Variants in KCNH1 observed in about 807,000 individuals in gnomAD.
The protein encoded by KCNH1 is potassium voltage-gated channel subfamily H member 1.
KCNH1 carries 27 observed loss-of-function variants against 69.2 expected under a neutral mutation model. The observed-to-expected ratio is 0.39, with a 90% confidence interval of 0.29 to 0.54. KCNH1 has a LOEUF of 0.54. Among genes scored for constraint, KCNH1 ranks in the 20% least tolerant of loss-of-function variants. The pLI is 0.68. For synonymous variants in KCNH1, 456 were observed against 487.7 expected (o/e 0.93, Z 0.86); for missense variants, 798 against 1,261.6 (o/e 0.63, Z 5.57).
intron 6 of KCNH1, among the ~76,000 whole-genome samples, chr1:210,948,228 T>C (rs1469853307): frequency 6.7e-6 from 1 of 149,920 alleles, no homozygotes; most frequent in South Asian, 2.1e-4. Flanking sequence ...AGATAATGGA[T>C]ACAAAGCATT....
intron 5 of KCNH1, among the ~76,000 whole-genome samples, chr1:211,050,771 T>A (rs1467641959): frequency 6.6e-6 from 1 of 152,124 alleles, no homozygotes; most frequent in East Asian, 1.9e-4. Context: ...CCATTATCCA[T>A]GATCAAGGTA....
chr1:210,961,097 G>A (rs1199171790), intron 6 of KCNH1, among the ~76,000 whole-genome samples: 2 of 152,128 alleles, frequency 1.3e-5, no homozygotes, highest in African/African-American at 2.4e-5. Flanking sequence ...GTCTGGGTCA[G>A]TTTTCATGTG....
At chr1:210,932,479 A>G (rs929471229) in intron 6 of KCNH1, among the ~76,000 whole-genome samples, 9 of 152,156 alleles carry the variant, frequency 5.9e-5, no homozygotes, top group Non-Finnish European at 1.3e-4. Context: ...GAAAACAACA[A>G]ACAAAATGAC....
intron 7 of KCNH1, among the ~76,000 whole-genome samples, chr1:210,898,992 G>C (rs777887558): frequency 3.9e-5 from 6 of 152,148 alleles, no homozygotes; most frequent in Non-Finnish European, 5.9e-5. Flanking sequence ...GCTCACAATG[G>C]TTTTTAATCA....
At chr1:210,958,361 G>A (rs904248609) in intron 6 of KCNH1, among the ~76,000 whole-genome samples, 2 of 152,108 alleles carry the variant, frequency 1.3e-5, no homozygotes, top group South Asian at 2.1e-4. Flanking sequence ...TCATTTCAAC[G>A]TTGGTGAATC....
At chr1:211,110,028 A>G (rs1055777390) in intron 1 of KCNH1, among the ~76,000 whole-genome samples, 1 of 137,630 alleles carries the variant, frequency 7.3e-6, no homozygotes, top group African/African-American at 3.2e-5. Flanking sequence ...AACAGAGAAG[A>G]AAAAAAAAAA....
At chr1:210,684,277 A>G (rs1344969969) in intron 10 of KCNH1, 139 bp from the exon 11 acceptor site, 1 of 750,486 alleles carries the variant, frequency 1.3e-6, no homozygotes, top group Non-Finnish European at 1.9e-6. Context: ...ACAGCCTACA[A>G]GGCCTCATGA....
chr1:210,717,835 G>A (rs1574205497), intron 10 of KCNH1, among the ~76,000 whole-genome samples: 2 of 152,302 alleles, frequency 1.3e-5, no homozygotes, highest in South Asian at 2.1e-4. Context: ...GCTGAGTGCA[G>A]TGGCTCATGC....
intron 9 of KCNH1, among the ~76,000 whole-genome samples, chr1:210,789,907 C>G (rs558866081): frequency 6.6e-6 from 1 of 152,202 alleles, no homozygotes; most frequent in Non-Finnish European, 1.5e-5. Context: ...ACTCCCATTT[C>G]TTTCTCTTTT....
intron 3 of KCNH1, among the ~76,000 whole-genome samples, chr1:211,096,560 G>GA (rs1442977304): frequency 1.3e-4 from 20 of 152,158 alleles, no homozygotes; most frequent in African/African-American, 4.3e-4. Flanking sequence ...GGCAAAACTA[G>GA]AAAAATCAAC....
intron 7 of KCNH1, among the ~76,000 whole-genome samples, chr1:210,813,703 C>A (rs966119790): frequency 1.3e-5 from 2 of 152,192 alleles, no homozygotes; most frequent in African/African-American, 2.4e-5. Context: ...AAAGCCATAG[C>A]CAAGAAACTC....
At chr1:211,032,489 T>C (rs1689806765) in intron 5 of KCNH1, among the ~76,000 whole-genome samples, 1 of 152,176 alleles carries the variant, frequency 6.6e-6, no homozygotes, top group African/African-American at 2.4e-5. Flanking sequence ...GCTGGAGGCA[T>C]CACGCTACCT....
chr1:211,073,134 G>A (rs1226105583), intron 5 of KCNH1, among the ~76,000 whole-genome samples: 14 of 152,074 alleles, frequency 9.2e-5, no homozygotes, highest in Admixed American at 8.5e-4. Context: ...GAAACAGAGA[G>A]GGGCATTATA....
intron 7 of KCNH1, among the ~76,000 whole-genome samples, chr1:210,846,661 T>C (rs552752920): frequency 2.0e-4 from 30 of 152,308 alleles, no homozygotes; most frequent in Middle Eastern, 3.4e-3. Flanking sequence ...ATTCAGGACA[T>C]AGGCACGGGC....
chr1:210,777,322 C>T (rs1224063074), intron 9 of KCNH1, among the ~76,000 whole-genome samples: 2 of 152,208 alleles, frequency 1.3e-5, no homozygotes, highest in African/African-American at 4.8e-5. Context: ...GACATTACTT[C>T]ACAATTCTCT....
chr1:210,943,060 A>T (rs11119635), intron 6 of KCNH1, among the ~76,000 whole-genome samples: 1 of 152,166 alleles, frequency 6.6e-6, no homozygotes, highest in African/African-American at 2.4e-5. Flanking sequence ...TCATTCATTC[A>T]ATTCTCACAA....
intron 1 of KCNH1, among the ~76,000 whole-genome samples, chr1:211,112,808 C>A (rs1479360283): frequency 6.6e-6 from 1 of 152,160 alleles, no homozygotes; most frequent in African/African-American, 2.4e-5. Context: ...AGCCGTCTGC[C>A]TCCAACAGTA....
intron 5 of KCNH1, among the ~76,000 whole-genome samples, chr1:211,026,874 A>T (rs1689693944): frequency 6.6e-6 from 1 of 152,178 alleles, no homozygotes; most frequent in South Asian, 2.1e-4. Context: ...AGTAACAAGG[A>T]GAAGCACCCC....
At chr1:210,772,892 G>A (rs368933980) in intron 10 of KCNH1, among the ~76,000 whole-genome samples, 19 of 152,132 alleles carry the variant, frequency 1.2e-4, no homozygotes, top group South Asian at 6.2e-4. Context: ...TAGCCCCTGC[G>A]TCTTCTCTTC....
Sources: allele counts gnomAD v4.1 joint callset (sites outside exome capture counted in the v4.1 genomes callset), GRCh38; gene constraint gnomAD v4.1.1; transcripts MANE v1.5; gene names NCBI Gene and HGNC (gene_info 2026-07-23, HGNC 2026-07-21).